CRIM1: variants seen among roughly 807,000 people sequenced by gnomAD.
CRIM1 encodes the protein cysteine-rich motor neuron 1 protein.
Under a neutral mutation model 116.4 loss-of-function variants are expected in CRIM1, and 32 were observed. The ratio of observed to expected loss-of-function variants is 0.27; its 90% CI spans 0.21 to 0.37. The LOEUF is 0.37. CRIM1 is among the 10% of genes least tolerant of loss of function. The probability of loss-of-function intolerance (pLI) is 1.00; values close to 1 mark genes in which losing one functional copy is unlikely to be tolerated. For missense variants in CRIM1, 1,331 were observed against 1,354.8 expected (o/e 0.98, Z 0.28); for synonymous variants, 590 against 509.2 (o/e 1.16, Z -2.13).
chr2:36,546,874 A>C (rs1667380562), intron 15 of CRIM1, 110 bp from the exon 16 acceptor site: 3 of 632,478 alleles, frequency 4.7e-6, no homozygotes, highest in African/African-American at 3.8e-5. Flanking sequence ...AGCCTCAAAA[A>C]ACTGGGAAGC....
In CRIM1 at chr2:36,485,726, C is replaced by T. The variant is rs574146177; in HGVS notation, c.1372+6032C>T. On this transcript the variant is annotated intron_variant, in intron 7 of 16. Transcript: ENST00000280527. Reference sequence around the variant, plus strand: ...AGTGAAGTCAAAGATGCCATAGGGTCACATGTTATTAACATTCTGGTACAT... The same window carrying T: ...AGTGAAGTCAAAGATGCCATAGGGTTACATGTTATTAACATTCTGGTACAT... Among the ~76,000 whole-genome samples, 27 of 152,282 alleles carry T rather than the reference C, an allele frequency of 1.8e-4. 1 individual carries two copies. In the Middle Eastern group the frequency reaches 0.027, roughly 153 times the overall value.
intron 13 of CRIM1, among the ~76,000 whole-genome samples, chr2:36,528,255 TGATGAGCTTTTCG>T (rs2125144094): frequency 6.6e-6 from 1 of 152,322 alleles, no homozygotes; most frequent in Admixed American, 6.5e-5. Context: ...AACATCTCAG[TGATGAGCTTTTCG>T]AGGCCGAGAA....
Position 36,356,689 on chromosome 2 carries a change from C to G in CRIM1, c.331+66C>G, listed in dbSNP as rs899571887. 52 of 1,487,764 alleles carry G rather than the reference C, an allele frequency of 3.5e-5. No individual in the cohort carries two copies. The African/African-American group carries it at 4.2e-4, about 12-fold the overall frequency. The allele number at this position is 1,487,764 out of a possible 1,614,324, so 92.2% of individuals were successfully genotyped here. ...GCCGCCCCCTCGGCGCTGGTTGTGC[C>G]GAACAAAGTTTGGGCGAGACTTTCT... On this transcript the variant is annotated intron_variant, in intron 1 of 16. Transcript: ENST00000280527. The surrounding 1 kb of genome is among the most constrained non-coding windows in gnomAD (Gnocchi z 4.3).
chr2:36,372,712 C>T (rs1254157108), intron 1 of CRIM1, among the ~76,000 whole-genome samples: 2 of 152,194 alleles, frequency 1.3e-5, no homozygotes, highest in Non-Finnish European at 2.9e-5. Context: ...TTACGATGCT[C>T]ATCTCATACC....
intron 7 of CRIM1, among the ~76,000 whole-genome samples, chr2:36,485,060 A>G (rs571982207): frequency 1.1e-3 from 161 of 152,332 alleles, no homozygotes; most frequent in African/African-American, 3.7e-3. Flanking sequence ...TAAAATTGCT[A>G]TTTGCAGACA....
intron 13 of CRIM1, among the ~76,000 whole-genome samples, chr2:36,533,583 G>T (rs1203723773): frequency 6.6e-6 from 1 of 152,148 alleles, no homozygotes; most frequent in East Asian, 1.9e-4. Flanking sequence ...AACAGAGTGA[G>T]ACCCTGTCTC....
At chr2:36,471,734 C>CACACACACACACACAA (rs1678533204) in intron 5 of CRIM1, among the ~76,000 whole-genome samples, 1 of 145,818 alleles carries the variant, frequency 6.9e-6, no homozygotes, top group Admixed American at 7.5e-5. Context: ...TAAACACACA[C>CACACACACACACACAA]ACACACACAC....
intron 1 of CRIM1, among the ~76,000 whole-genome samples, chr2:36,384,650 T>C (rs1266475172): frequency 1.3e-5 from 2 of 152,236 alleles, no homozygotes; most frequent in East Asian, 1.9e-4. Context: ...GGTATTCATA[T>C]GCATTTCTTG....
chr2:36,401,121 C>G (rs1672373441), intron 2 of CRIM1, among the ~76,000 whole-genome samples: 1 of 152,140 alleles, frequency 6.6e-6, no homozygotes, highest in African/African-American at 2.4e-5. Flanking sequence ...TCATTGCAGG[C>G]CATTTCAATG....
chr2:36,362,248 A>AT (rs1669273447), intron 1 of CRIM1, among the ~76,000 whole-genome samples: 1 of 152,210 alleles, frequency 6.6e-6, no homozygotes, highest in Non-Finnish European at 1.5e-5. Context: ...AAATATATGG[A>AT]TAAAATTAGT....
chr2:36,378,177 C>G (rs972980685), intron 1 of CRIM1, among the ~76,000 whole-genome samples: 1 of 152,216 alleles, frequency 6.6e-6, no homozygotes, highest in African/African-American at 2.4e-5. Flanking sequence ...GAATAGCCTA[C>G]TGGGCTTCTG....
chr2:36,415,566 T>A (rs547322635), intron 2 of CRIM1, among the ~76,000 whole-genome samples: 2 of 152,190 alleles, frequency 1.3e-5, no homozygotes, highest in African/African-American at 2.4e-5. Context: ...AAATTGTTCA[T>A]AGATTCTTTC....
chr2:36,428,794 C>T (rs531415176), intron 2 of CRIM1, among the ~76,000 whole-genome samples: 3 of 152,192 alleles, frequency 2.0e-5, no homozygotes, highest in Non-Finnish European at 4.4e-5. Flanking sequence ...ATTATTCTTA[C>T]AGTTCATTGT....
chr2:36,455,492 C>T (rs1475166838), intron 4 of CRIM1, among the ~76,000 whole-genome samples: 4 of 152,148 alleles, frequency 2.6e-5, no homozygotes, highest in Non-Finnish European at 5.9e-5. Flanking sequence ...AGTTCCTAAG[C>T]GGCCAGAACT....
chr2:36,478,625 T>C (rs1215715552), intron 6 of CRIM1, among the ~76,000 whole-genome samples: 1 of 152,344 alleles, frequency 6.6e-6, no homozygotes, highest in East Asian at 1.9e-4. Context: ...ACTGACTTTA[T>C]TATAATGTCC....
rs767243022 is a variant in CRIM1, at chr2:36,464,555, A to C, written c.891A>C (p.Leu297Phe). The part of the protein sequence containing the change: ...LPTRCECLSG[L>F]CGFPVCEVGS... ...TCAGATGCGAGTGTCTCTCTGGCTTATGTGGTTTCCCCGTGTGTGAGGTGG... is the reference window on the plus strand; with the variant it reads ...TCAGATGCGAGTGTCTCTCTGGCTTCTGTGGTTTCCCCGTGTGTGAGGTGG... The change falls in exon 5 of 17, where the codon TTA becomes TTC. Residue 297 changes from leucine to phenylalanine, a missense_variant. Physicochemically the swap from Leu to Phe is conservative, Grantham distance 22 (BLOSUM62 0). Around this residue, in one of 3 missense-constraint regions of CRIM1, gnomAD observed 690 missense variants for 676.0 expected, o/e 1.02. Coordinates refer to ENST00000280527, the MANE Select transcript of CRIM1 (RefSeq NM_016441.3). 5 of 1,614,000 alleles carry C rather than the reference A, an allele frequency of 3.1e-6. No individual in the cohort carries two copies. In the South Asian group the frequency reaches 5.5e-5, roughly 18 times the overall value.
At chr2:36,521,976 T>C (rs1558397406) in intron 12 of CRIM1, 116 bp from the exon 13 acceptor site, 1 of 763,070 alleles carries the variant, frequency 1.3e-6, no homozygotes, top group Non-Finnish European at 2.3e-6. Flanking sequence ...TACTGCGTCA[T>C]GTATTTAAGG....
chr2:36,519,953 GA>G (rs1665271663), intron 12 of CRIM1, among the ~76,000 whole-genome samples: 1 of 152,102 alleles, frequency 6.6e-6, no homozygotes, highest in Non-Finnish European at 1.5e-5. Context: ...TGAAAACAGT[GA>G]AAACACTGGT....
chr2:36,387,079 T>TC (rs1217982149), intron 1 of CRIM1, among the ~76,000 whole-genome samples: 1 of 152,228 alleles, frequency 6.6e-6, no homozygotes, highest in African/African-American at 2.4e-5. Context: ...ATGTTGGACT[T>TC]CATTTTGTAG....
Sources: allele counts gnomAD v4.1 joint callset (sites outside exome capture counted in the v4.1 genomes callset), GRCh38; gene constraint gnomAD v4.1.1; regional missense constraint gnomAD v4.1.1; non-coding constraint Gnocchi (gnomAD v3.1); transcripts MANE v1.5; gene names NCBI Gene and HGNC (gene_info 2026-07-23, HGNC 2026-07-21).